The following RGS21 variants were observed in gnomAD, a reference collection of about 807,000 sequenced individuals.
The protein encoded by RGS21 is regulator of G protein signaling 21.
A neutral mutation model predicts 18.7 loss-of-function variants in RGS21; 19 were observed. The ratio of observed to expected loss-of-function variants is 1.01; its 90% CI spans 0.71 to 1.49. The LOEUF is 1.49. Among genes scored for constraint, RGS21 ranks in the 40% most tolerant of loss-of-function variants. The pLI is 0.00. For missense variants in RGS21, 194 were observed against 176.8 expected (o/e 1.10, Z -0.55); for synonymous variants, 56 against 57.8 (o/e 0.97, Z 0.14).
Position 192,352,127 on chromosome 1 carries a change from T to G in RGS21, c.169T>G (p.Phe57Val), listed in dbSNP as rs761352541. The G allele has an allele frequency of 1.9e-6, 3 of 1,611,138 alleles. No individual in the cohort carries two copies. Among genetic ancestry groups the G allele is most frequent in the Non-Finnish European group, 8.5e-7 (1 of 1,178,660 alleles). The change falls in exon 4 of 5, where the codon TTT (phenylalanine) becomes GTT (valine). Residue 57 changes from phenylalanine (F) to valine (V), a missense_variant. By Grantham distance (50) the Phe-to-Val change is conservative. Transcript: ENST00000417209. Reference sequence around the variant, plus strand: ...TGAGTTCTGGCTTGCCTGTGAAGACTTTAAGAAAACGAAAAATGCAGACAA... The same window carrying G: ...TGAGTTCTGGCTTGCCTGTGAAGACGTTAAGAAAACGAAAAATGCAGACAA... ...NVEFWLACED[F>V]KKTKNADKIA...
At chr1:192,331,122 G>T (rs1421571000) in intron 1 of RGS21, among the ~76,000 whole-genome samples, 4 of 152,122 alleles carry the variant, frequency 2.6e-5, no homozygotes, top group Non-Finnish European at 1.5e-5. Flanking sequence ...ATGAATCCCT[G>T]AATAAATAAT....
intron 1 of RGS21, among the ~76,000 whole-genome samples, chr1:192,322,120 T>A (rs1488150260): frequency 6.6e-6 from 1 of 152,126 alleles, no homozygotes; most frequent in South Asian, 2.1e-4. Flanking sequence ...AATTGACAAC[T>A]ACCCAGTCTT....
At chr1:192,323,681 T>C (rs1039326972) in intron 1 of RGS21, among the ~76,000 whole-genome samples, 1 of 152,002 alleles carries the variant, frequency 6.6e-6, no homozygotes, top group Non-Finnish European at 1.5e-5. Context: ...TAAGTGGCAA[T>C]GGAAATGATA....
intron 1 of RGS21, among the ~76,000 whole-genome samples, chr1:192,337,558 G>A (rs932604141): frequency 2.6e-5 from 4 of 152,082 alleles, no homozygotes; most frequent in African/African-American, 9.7e-5. Context: ...AGCAAAGACA[G>A]GAAAGGTTAG....
chr1:192,320,499 A>AACGTGT (rs1444184180), intron 1 of RGS21, among the ~76,000 whole-genome samples: 104 of 115,196 alleles, frequency 9.0e-4, no homozygotes, highest in South Asian at 1.9e-3. Context: ...AATGTAAAGG[A>AACGTGT]ATGTGTATGT....
chr1:192,344,082 T>C (rs1200174794), intron 2 of RGS21, among the ~76,000 whole-genome samples: 2 of 152,122 alleles, frequency 1.3e-5, no homozygotes, highest in Non-Finnish European at 2.9e-5. Flanking sequence ...TTTGATAGTG[T>C]ACAAGCTTTA....
At chr1:192,350,249 A>C (rs1659020828) in intron 3 of RGS21, among the ~76,000 whole-genome samples, 1 of 152,174 alleles carries the variant, frequency 6.6e-6, no homozygotes, top group Non-Finnish European at 1.5e-5. Flanking sequence ...AACTTATTTC[A>C]AATAACTTTA....
intron 4 of RGS21, among the ~76,000 whole-genome samples, chr1:192,361,200 A>G (rs2102238486): frequency 6.6e-6 from 1 of 152,258 alleles, no homozygotes; most frequent in Admixed American, 6.5e-5. Context: ...AGTTAAAATA[A>G]TCATCTTGAA....
chr1:192,365,383 T>C (rs904482215), intron 4 of RGS21, among the ~76,000 whole-genome samples: 2 of 152,094 alleles, frequency 1.3e-5, no homozygotes, highest in Non-Finnish European at 2.9e-5. Context: ...GGAGATTATA[T>C]GTAGATATAT....
rs1442122600 is a variant in RGS21, at chr1:192,352,201, T to C, written c.243T>C (p.Asp81=). The C allele has an allele frequency of 6.2e-7, 1 of 1,606,684 alleles. No homozygotes were observed. ...KMIYSEFIEA[D]APKEINIDFG... ...TTTATTCTGAATTCATTGAAGCTGA[T>C]GCACCTAAAGAGGTGAGTGAACTAC... The change falls in exon 4 of 5, where the codon GAT becomes GAC. Residue 81 remains aspartate (D), a synonymous_variant. Coordinates refer to ENST00000417209, the MANE Select transcript of RGS21 (RefSeq NM_001039152.3).
In RGS21 at chr1:192,366,420, A is replaced by G. The variant is rs1480552287; in HGVS notation, c.*296A>G. 5.2e-6 allele frequency: 1 copy of G among 192,778 alleles called. No homozygotes were observed. Among genetic ancestry groups the G allele is most frequent in the African/African-American group, 2.4e-5 (1 of 42,322 alleles). The allele number at this position is 192,778 out of a possible 1,614,324, so 11.9% of individuals were successfully genotyped here. ...TATATTATAATGTAAGGAATTATAC[A>G]TATCTTCACGTGGCAGAATGAAAGA... On this transcript the variant is annotated 3_prime_UTR_variant, in exon 5 of 5. Transcript: ENST00000417209.
At chr1:192,363,383 A>G (rs1001087193) in intron 4 of RGS21, among the ~76,000 whole-genome samples, 1 of 152,170 alleles carries the variant, frequency 6.6e-6, no homozygotes, top group Non-Finnish European at 1.5e-5. Context: ...CTGCTTAACC[A>G]CTAGGGGAAA....
At chr1:192,350,186 A>T (rs1659020107) in intron 3 of RGS21, among the ~76,000 whole-genome samples, 1 of 152,194 alleles carries the variant, frequency 6.6e-6, no homozygotes, top group Non-Finnish European at 1.5e-5. Flanking sequence ...CAGTATTTCA[A>T]CCAAGAATTT....
intron 1 of RGS21, among the ~76,000 whole-genome samples, chr1:192,330,322 G>T (rs1292206250): frequency 6.6e-6 from 1 of 152,130 alleles, no homozygotes; most frequent in Non-Finnish European, 1.5e-5. Flanking sequence ...AGACGGTGAG[G>T]TTAAATCAAT....
chr1:192,332,733 A>G (rs1571451720), intron 1 of RGS21, among the ~76,000 whole-genome samples: 1 of 152,184 alleles, frequency 6.6e-6, no homozygotes, highest in Non-Finnish European at 1.5e-5. Flanking sequence ...TCTACTATAC[A>G]TAAAGAATTC....
chr1:192,342,482 G>C (rs1369796980), intron 1 of RGS21, among the ~76,000 whole-genome samples: 1 of 151,828 alleles, frequency 6.6e-6, no homozygotes, highest in African/African-American at 2.4e-5. Context: ...TCTTATATTA[G>C]AACATTTTAG....
chr1:192,339,242 G>A (rs754562877), intron 1 of RGS21, among the ~76,000 whole-genome samples: 5 of 150,944 alleles, frequency 3.3e-5, no homozygotes, highest in African/African-American at 4.9e-5. Flanking sequence ...AAAGAACATT[G>A]TTTAGCACTT....
chr1:192,342,841 T>C (rs1658891057), intron 1 of RGS21, 136 bp from the exon 2 acceptor site: 1 of 528,336 alleles, frequency 1.9e-6, no homozygotes, highest in Non-Finnish European at 3.5e-6. Flanking sequence ...GAAGTTTAAG[T>C]GTTTTGACCA....
chr1:192,329,447 T>G (rs1020998488), intron 1 of RGS21, among the ~76,000 whole-genome samples: 5 of 152,108 alleles, frequency 3.3e-5, no homozygotes, highest in African/African-American at 1.2e-4. Context: ...TCTGATTCTA[T>G]TTTGAAAAGA....
Sources: gnomAD v4.1 joint callset for allele counts (sites outside exome capture counted in the v4.1 genomes callset) on GRCh38, gnomAD v4.1.1 for gene constraint, MANE v1.5 for transcripts, NCBI Gene and HGNC (gene_info 2026-07-23, HGNC 2026-07-21) for gene names.